The following LRRC37A variants were observed in gnomAD, a reference collection of about 807,000 sequenced individuals.
The protein encoded by LRRC37A is leucine-rich repeat-containing protein 37A.
LRRC37A carries 3 observed loss-of-function variants against 35.4 expected under a neutral mutation model. That is an observed-to-expected ratio of 0.08 (90% CI 0.04 to 0.22). The LOEUF is 0.22. Among genes scored for constraint, LRRC37A ranks in the 10% least tolerant of loss-of-function variants. The probability of loss-of-function intolerance (pLI) is 1.00; values close to 1 mark genes in which losing one functional copy is unlikely to be tolerated. For synonymous variants in LRRC37A, 23 were observed against 215.0 expected, an observed-to-expected ratio of 0.11 and a Z score of 7.81; for missense variants, 67 against 565.3, an observed-to-expected ratio of 0.12 and a Z score of 8.94.
intron 3 of LRRC37A, among the ~76,000 whole-genome samples, chr17:46,304,956 C>T (rs1300551085): frequency 1.4e-5 from 1 of 69,644 alleles, no homozygotes; most frequent in Non-Finnish European, 4.4e-5. Flanking sequence ...GCAAGGTCCG[C>T]CTCCTGGGTT....
At chr17:46,289,579 G>T (rs1402748566), upstream of LRRC37A, among the ~76,000 whole-genome samples, 2 of 152,034 alleles carry the variant, frequency 1.3e-5, no homozygotes, top group Non-Finnish European at 2.9e-5. Flanking sequence ...ACCTCAGGTG[G>T]TCTGCCCACC....
the LRRC37A span, among the ~76,000 whole-genome samples, chr17:46,261,457 G>T: frequency 6.6e-6 from 1 of 152,100 alleles, no homozygotes; most frequent in Non-Finnish European, 1.5e-5. Flanking sequence ...TGTTGCCCAG[G>T]CTGGAGTGCA....
the LRRC37A span, among the ~76,000 whole-genome samples, chr17:46,258,035 G>C: frequency 6.6e-6 from 1 of 152,278 alleles, no homozygotes; most frequent in African/African-American, 2.4e-5. Context: ...CTCATTGGTT[G>C]TTGGCAGGCT....
the LRRC37A span, among the ~76,000 whole-genome samples, chr17:46,275,651 G>A: frequency 7.9e-5 from 12 of 152,126 alleles, no homozygotes; most frequent in Admixed American, 6.5e-4. Flanking sequence ...AAATATGTAT[G>A]TATATATATT....
At chr17:46,302,523 C>A (rs2050388678) in intron 2 of LRRC37A, 115 bp from the exon 3 acceptor site, 1 of 154,782 alleles carries the variant, frequency 6.5e-6, no homozygotes, top group Non-Finnish European at 1.5e-5. Flanking sequence ...CAGAGCAGAT[C>A]CCACCATCTT....
At chr17:46,287,192 C>T in the LRRC37A span, among the ~76,000 whole-genome samples, 3 of 152,212 alleles carry the variant, frequency 2.0e-5, no homozygotes, top group Admixed American at 1.3e-4. Context: ...AAGTACACTG[C>T]TTAGTGAAAT....
the LRRC37A span, among the ~76,000 whole-genome samples, chr17:46,251,390 C>T: frequency 6.6e-6 from 1 of 152,006 alleles, no homozygotes; most frequent in African/African-American, 2.4e-5. Context: ...TCCCGAGTAG[C>T]TGGGATTATG....
chr17:46,280,448 C>T, the LRRC37A span, among the ~76,000 whole-genome samples: 2 of 152,038 alleles, frequency 1.3e-5, no homozygotes, highest in Non-Finnish European at 2.9e-5. Flanking sequence ...CCAAGGTTGG[C>T]GGGAGGATCG....
the LRRC37A span, among the ~76,000 whole-genome samples, chr17:46,274,011 C>G: frequency 6.6e-6 from 1 of 152,182 alleles, no homozygotes; most frequent in African/African-American, 2.4e-5. Flanking sequence ...GATTAGCACC[C>G]CTGAAGATTC....
chr17:46,275,924 T>C, the LRRC37A span, among the ~76,000 whole-genome samples: 1 of 152,110 alleles, frequency 6.6e-6, no homozygotes, highest in Non-Finnish European at 1.5e-5. Context: ...GAAGTCTCGC[T>C]TTTGTCCCCA....
chr17:46,298,723 C>CAAAA (rs1189992034), intron 1 of LRRC37A, among the ~76,000 whole-genome samples: 1 of 40,434 alleles, frequency 2.5e-5, no homozygotes, highest in African/African-American at 8.2e-5. Flanking sequence ...GACTCCATCT[C>CAAAA]AAAAAAAAAA....
At chr17:46,256,518 C>G in the LRRC37A span, among the ~76,000 whole-genome samples, 1 of 152,146 alleles carries the variant, frequency 6.6e-6, no homozygotes, top group African/African-American at 2.4e-5. Context: ...TTGCCAGCAC[C>G]CAATTGTGCT....
At chr17:46,268,447 T>C in the LRRC37A span, 20 of 1,215,828 alleles carry the variant, frequency 1.6e-5, no homozygotes, top group South Asian at 3.2e-4. Context: ...CCTTATATTT[T>C]CTGTTTCATG....
the LRRC37A span, chr17:46,275,060 T>G: frequency 5.5e-6 from 1 of 180,872 alleles, no homozygotes; most frequent in Non-Finnish European, 1.1e-5. Flanking sequence ...GCACAGCTAA[T>G]TTTGTATTTT....
At chr17:46,261,959 T>C in the LRRC37A span, among the ~76,000 whole-genome samples, 11 of 152,240 alleles carry the variant, frequency 7.2e-5, no homozygotes, top group South Asian at 1.9e-3. Context: ...ATTATTATTA[T>C]TATTTTTTGA....
At chr17:46,262,109 C>G in the LRRC37A span, among the ~76,000 whole-genome samples, 1 of 152,168 alleles carries the variant, frequency 6.6e-6, no homozygotes, top group East Asian at 1.9e-4. Flanking sequence ...ACCATCATAC[C>G]TGGTTAATTT....
chr17:46,249,930 G>T, the LRRC37A span, among the ~76,000 whole-genome samples: 3 of 152,302 alleles, frequency 2.0e-5, no homozygotes, highest in East Asian at 5.8e-4. Context: ...TCAGCCTCCC[G>T]AGTAACTGGG....
At position 46,335,613 on chromosome 17, in the gene LRRC37A, A is replaced by ATT; in HGVS notation, c.4859+28_4859+29dup. On this transcript the variant is annotated intron_variant, in intron 11 of 13. Transcript: ENST00000320254. ...TCTCAAGGTAAATATTAGTCTGGTG[A>ATT]TTTTTTTTTTCTTCTCTTTTGAGAT... The ATT allele has an allele frequency of 5.7e-6, 1 of 175,554 alleles. No homozygotes were observed. The highest frequency in any genetic ancestry group is 3.2e-5 in the East Asian group (1 of 30,870). The allele number at this position is 175,554 out of a possible 1,614,324, so 10.9% of individuals were successfully genotyped here.
At chr17:46,254,378 G>C in the LRRC37A span, among the ~76,000 whole-genome samples, 1 of 149,952 alleles carries the variant, frequency 6.7e-6, no homozygotes, top group Admixed American at 6.7e-5. Context: ...ACTGGAAGCC[G>C]AGGCTGGCCA....
Sources: allele counts gnomAD v4.1 joint callset (sites outside exome capture counted in the v4.1 genomes callset), GRCh38; gene constraint gnomAD v4.1.1; transcripts MANE v1.5; gene names NCBI Gene and HGNC (gene_info 2026-07-23, HGNC 2026-07-21).